Variants in NR2F2 observed in about 807,000 individuals in gnomAD.
The protein encoded by NR2F2 is COUP transcription factor 2.
NR2F2 carries 2 observed loss-of-function variants against 34.8 expected under a neutral mutation model. That is an observed-to-expected ratio of 0.06 (90% CI 0.02 to 0.18). The LOEUF (loss-of-function observed/expected upper bound fraction) is 0.18, where lower values mean the gene tolerates loss of function less well. NR2F2 is among the 10% of genes least tolerant of loss of function. The probability of loss-of-function intolerance (pLI) is 1.00; values close to 1 mark genes in which losing one functional copy is unlikely to be tolerated. For synonymous variants in NR2F2, 274 were observed against 251.8 expected, an observed-to-expected ratio of 1.09 and a Z score of -0.84; for missense variants, 300 against 580.1, an observed-to-expected ratio of 0.52 and a Z score of 4.96.
upstream of NR2F2, chr15:96,326,435 G>T (rs1396650367): frequency 1.6e-6 from 2 of 1,225,862 alleles, no homozygotes; most frequent in African/African-American, 3.0e-5. The surrounding 1 kb of genome is among the most constrained non-coding windows in gnomAD (Gnocchi z 5.5). Context: ...GGGATGACTT[G>T]GGGCTTTTCA....
Position 96,338,628 on chromosome 15 carries a change from T to G in NR2F2, c.*1006T>G, listed in dbSNP as rs1165904190. The G allele has an allele frequency of 6.6e-6, 1 of 152,484 alleles. No homozygotes were observed. The highest frequency in any genetic ancestry group is 2.4e-5 in the African/African-American group (1 of 41,396). 9.4% of individuals were successfully genotyped at this position (152,484 alleles called of 1,614,324 possible). A position where few individuals can be genotyped will look rare whatever the true frequency, so the allele number is the denominator to read the frequency against. The stretch of plus-strand genomic sequence containing the variant: ...ACACTGTTGGCACTTATAGGTAACG[T>G]GATTGATTCAGTATCTTAGAGTTTA... On this transcript the variant is annotated 3_prime_UTR_variant, in exon 3 of 3. Coordinates refer to ENST00000394166, the MANE Select transcript of NR2F2 (RefSeq NM_021005.4).
chr15:96,330,891 C>T lies in NR2F2; in HGVS notation c.-1215C>T, dbSNP rs1264787075. ...CCTCCTTTCTCCGGGTGCCGTACTG[C>T]CTTTTTTCCCCTCTTTCATTCTTTC... On this transcript the variant is annotated 5_prime_UTR_variant, in exon 1 of 3. Coordinates refer to ENST00000394166, the MANE Select transcript of NR2F2 (RefSeq NM_021005.4). 8.2e-5 allele frequency: 94 copies of T among 1,150,074 alleles called. No individual in the cohort carries two copies. Among genetic ancestry groups the T allele is most frequent in the Non-Finnish European group, 9.7e-5 (91 of 934,692 alleles). The allele number at this position is 1,150,074 out of a possible 1,614,324, so 71.2% of individuals were successfully genotyped here.
chr15:96,331,583 C>G lies in NR2F2; in HGVS notation c.-523C>G. 1 of 1,189,900 alleles carries G rather than the reference C, an allele frequency of 8.4e-7. No homozygotes were observed. Among genetic ancestry groups the G allele is most frequent in the African/African-American group, 2.5e-5 (1 of 39,800 alleles). 73.7% of individuals were successfully genotyped at this position (1,189,900 alleles called of 1,614,324 possible). A position where few individuals can be genotyped will look rare whatever the true frequency, so the allele number is the denominator to read the frequency against. ...TCACCACCACCTCCTCTTCCTCCTCCTCCTCCTCCTCCTCCTCCGCCAACT... is the reference window on the plus strand; with the variant it reads ...TCACCACCACCTCCTCTTCCTCCTCGTCCTCCTCCTCCTCCTCCGCCAACT... On this transcript the variant is annotated 5_prime_UTR_variant, in exon 1 of 3. Coordinates refer to ENST00000394166, the MANE Select transcript of NR2F2 (RefSeq NM_021005.4).
Position 96,339,376 on chromosome 15 carries a change from AT to A in NR2F2, c.*1756del, listed in dbSNP as rs1899433495. 6.6e-6 allele frequency: 1 copy of A among 152,182 alleles called. No individual in the cohort carries two copies. The highest frequency in any genetic ancestry group is 1.5e-5 in the Non-Finnish European group (1 of 68,036). The allele number at this position is 152,182 out of a possible 1,614,324, so 9.4% of individuals were successfully genotyped here. On this transcript the variant is annotated 3_prime_UTR_variant, in exon 3 of 3. Transcript: ENST00000394166. ...AGCGTGGTTGTTGAGAGAGTTTCAA[AT>A]TCAGTGATACAGGTTCTAAGACTGA...
chr15:96,330,505 C>G (rs1321669683), upstream of NR2F2, among the ~76,000 whole-genome samples: 2 of 144,990 alleles, frequency 1.4e-5, no homozygotes, highest in Non-Finnish European at 3.1e-5. Flanking sequence ...GCGCTAGGAC[C>G]GGGCTGCGCC....
Position 96,332,037 on chromosome 15 carries a change from G to T in NR2F2, c.-69G>T. The stretch of plus-strand genomic sequence containing the variant: ...CGGCGCGCCGGAGCCCGAGACCCGG[G>T]GAGCCGCCGCCGCCCCGCCGCCGCC... On this transcript the variant is annotated 5_prime_UTR_variant, in exon 1 of 3. Transcript: ENST00000394166. The T allele has an allele frequency of 8.0e-7, 1 of 1,244,024 alleles. No homozygotes were observed. 77.1% of individuals were successfully genotyped at this position (1,244,024 alleles called of 1,614,324 possible). A position where few individuals can be genotyped will look rare whatever the true frequency, so the allele number is the denominator to read the frequency against.
chr15:96,328,552 C>T (rs1899049155), upstream of NR2F2, among the ~76,000 whole-genome samples: 1 of 152,200 alleles, frequency 6.6e-6, no homozygotes, highest in Admixed American at 6.5e-5. Context: ...ATTAGCAATT[C>T]CTGAATCATA....
At position 96,331,451 on chromosome 15, in the gene NR2F2, G is replaced by A; in HGVS notation, c.-655G>A. The A allele has an allele frequency of 4.1e-6, 5 of 1,231,194 alleles. No homozygotes were observed. Among genetic ancestry groups the A allele is most frequent in the Non-Finnish European group, 5.1e-6 (5 of 987,898 alleles). 76.3% of individuals were successfully genotyped at this position (1,231,194 alleles called of 1,614,324 possible). A position where few individuals can be genotyped will look rare whatever the true frequency, so the allele number is the denominator to read the frequency against. On this transcript the variant is annotated 5_prime_UTR_variant, in exon 1 of 3. Transcript: ENST00000394166. ...GGGCGCGCCCGCACCCGGCGCCTCCGATCTCCTAGTCCTCCTGATTTCGAT... is the reference window on the plus strand; with the variant it reads ...GGGCGCGCCCGCACCCGGCGCCTCCAATCTCCTAGTCCTCCTGATTTCGAT...
intron 1 of NR2F2, chr15:96,333,818 T>C: frequency 7.2e-7 from 1 of 1,398,508 alleles, no homozygotes; most frequent in Non-Finnish European, 9.3e-7. Context: ...GGTGGCCAAT[T>C]CTGGGTCCTC....
At chr15:96,329,987 T>C (rs1424571900), upstream of NR2F2, among the ~76,000 whole-genome samples, 1 of 152,012 alleles carries the variant, frequency 6.6e-6, no homozygotes, top group Admixed American at 6.6e-5. Context: ...ATATATGTCA[T>C]ATATATATGT....
In NR2F2 at chr15:96,337,619, A is replaced by G. The variant is rs140022547; in HGVS notation, c.1242A>G (p.Gln414=). 23 of 1,609,864 alleles carry G rather than the reference A, an allele frequency of 1.4e-5. No homozygotes were observed. In the African/African-American group the frequency reaches 2.8e-4, roughly 20 times the overall value. The change falls in exon 3 of 3, where the codon CAA becomes CAG. Residue 414 remains glutamine, a synonymous_variant. Transcript: ENST00000394166. Reference sequence around the variant, plus strand: ...TTAACTGGCCGTATATGGCAATTCAATAAATAAATAAAATAAGAAGGGGGA... The same window carrying G: ...TTAACTGGCCGTATATGGCAATTCAGTAAATAAATAAAATAAGAAGGGGGA... The part of the protein sequence containing the change: ...SSFNWPYMAI[Q]
Position 96,331,384 on chromosome 15 carries a change from T to C in NR2F2, c.-722T>C, listed in dbSNP as rs1899136551. On this transcript the variant is annotated 5_prime_UTR_variant, in exon 1 of 3. Coordinates refer to ENST00000394166, the MANE Select transcript of NR2F2 (RefSeq NM_021005.4). ...CGGACCCGGGCAGCGCTCCGGCCAC[T>C]CCGCGGGCCGCCGGCCTCCGCCCCG... is the stretch of plus-strand genomic sequence containing the variant. 1.6e-6 allele frequency: 2 copies of C among 1,225,112 alleles called. No individual in the cohort carries two copies. Among genetic ancestry groups the C allele is most frequent in the African/African-American group, 3.1e-5 (2 of 63,970 alleles). 75.9% of individuals were successfully genotyped at this position (1,225,112 alleles called of 1,614,324 possible). A position where few individuals can be genotyped will look rare whatever the true frequency, so the allele number is the denominator to read the frequency against.
At chr15:96,333,269 G>C (rs1388095984) in intron 1 of NR2F2, 7 of 902,912 alleles carry the variant, frequency 7.8e-6, no homozygotes, top group African/African-American at 1.8e-5. Flanking sequence ...CGCTCGGCGC[G>C]GGGCGCGGGC....
At position 96,337,451 on chromosome 15, in the gene NR2F2, G is replaced by A. The variant is rs909820550; in HGVS notation, c.1074G>A (p.Thr358=). The A allele has an allele frequency of 2.5e-6, 4 of 1,614,016 alleles. No individual in the cohort carries two copies. The highest frequency in any genetic ancestry group is 2.7e-5 in the African/African-American group (2 of 74,914). ...GGAGCCAGTACCCCAACCAGCCGAC[G>A]AGATTCGGAAAGCTTTTGCTTCGCC... ...YVRSQYPNQP[T]RFGKLLLRLP... The change falls in exon 3 of 3, where the codon ACG becomes ACA. Residue 358 remains threonine (T), a synonymous_variant. Coordinates refer to ENST00000394166, the MANE Select transcript of NR2F2 (RefSeq NM_021005.4).
intron 1 of NR2F2, chr15:96,333,489 C>T: frequency 6.0e-6 from 6 of 1,003,236 alleles, no homozygotes; most frequent in Non-Finnish European, 7.2e-6. Context: ...TCTCCGCCCT[C>T]TCCCTCCGTC....
In NR2F2 at chr15:96,334,133, C is replaced by T. The variant is rs775487608; in HGVS notation, c.500C>T (p.Thr167Ile). 6 of 1,613,844 alleles carry T rather than the reference C, an allele frequency of 3.7e-6. No individual in the cohort carries two copies. The highest frequency in any genetic ancestry group is 5.1e-6 in the Non-Finnish European group (6 of 1,180,032). ...CCGACCCACGGGCAGTTCGCGCTGA[C>T]CAACGGGGATCCCCTCAACTGCCAC... ...TQPTHGQFAL[T>I]NGDPLNCHSY... The change falls in exon 2 of 3, where the codon ACC becomes ATC. Residue 167 changes from threonine (T) to isoleucine (I), a missense_variant. By Grantham distance (89) the Thr-to-Ile change is moderately conservative. Around this residue, in one of 6 missense-constraint regions of NR2F2, gnomAD observed 164 missense variants for 365.3 expected, o/e 0.45. Transcript: ENST00000394166.
chr15:96,336,504 A>G (rs1247342435), intron 2 of NR2F2, among the ~76,000 whole-genome samples: 1 of 152,174 alleles, frequency 6.6e-6, no homozygotes, highest in African/African-American at 2.4e-5. Flanking sequence ...CCAGTCTTGT[A>G]TGGGGAGCCC....
At position 96,338,895 on chromosome 15, in the gene NR2F2, TGG is replaced by T. The variant is rs199747859; in HGVS notation, c.*1281_*1282del. ...GCTTAGCTGGCCGGGCGGGGGGTGG[TGG>T]GGGGGGGCATTTGTTTACTCCCCTC... On this transcript the variant is annotated 3_prime_UTR_variant, in exon 3 of 3. Transcript: ENST00000394166. 2.9e-5 allele frequency: 1 copy of T among 34,512 alleles called. No homozygotes were observed. The highest frequency in any genetic ancestry group is 7.2e-5 in the African/African-American group (1 of 13,902). 2.1% of individuals were successfully genotyped at this position (34,512 alleles called of 1,614,324 possible).
Position 96,338,879 on chromosome 15 carries a change from G to C in NR2F2, c.*1257G>C, listed in dbSNP as rs1307873238. On this transcript the variant is annotated 3_prime_UTR_variant, in exon 3 of 3. Coordinates refer to ENST00000394166, the MANE Select transcript of NR2F2 (RefSeq NM_021005.4). ...GCCCCTGTGAGCTCTCGCTTAGCTG[G>C]CCGGGCGGGGGGTGGTGGGGGGGGG... The C allele has an allele frequency of 2.8e-5, 4 of 145,410 alleles. No homozygotes were observed. Among genetic ancestry groups the C allele is most frequent in the Admixed American group, 2.7e-4 (4 of 14,658 alleles). The allele number at this position is 145,410 out of a possible 1,614,324, so 9.0% of individuals were successfully genotyped here.
Sources: allele counts gnomAD v4.1 joint callset (sites outside exome capture counted in the v4.1 genomes callset), GRCh38; gene constraint gnomAD v4.1.1; regional missense constraint gnomAD v4.1.1; non-coding constraint Gnocchi (gnomAD v3.1); transcripts MANE v1.5; gene names NCBI Gene and HGNC (gene_info 2026-07-23, HGNC 2026-07-21).